CACNA2D4: variants seen among roughly 807,000 people sequenced by gnomAD.
CACNA2D4 encodes the protein voltage-dependent calcium channel subunit alpha-2/delta-4.
CACNA2D4 carries 157 observed loss-of-function variants against 163.8 expected under a neutral mutation model. That is an observed-to-expected ratio of 0.96 (90% CI 0.84 to 1.09). The LOEUF (loss-of-function observed/expected upper bound fraction) is 1.09. Ranked by LOEUF, CACNA2D4 falls within the 50% of genes least tolerant of loss-of-function variation. The probability of loss-of-function intolerance (pLI) is 0.00; values close to 1 mark genes in which losing one functional copy is unlikely to be tolerated. For missense variants in CACNA2D4, 1,410 were observed against 1,479.9 expected (o/e 0.95, Z 0.78); for synonymous variants, 598 against 586.9 (o/e 1.02, Z -0.27).
intron 4 of CACNA2D4, among the ~76,000 whole-genome samples, chr12:1,908,958 T>C (rs8181681): frequency 0.92 from 134,581 of 147,038 alleles, 61,774 homozygotes; most frequent in East Asian, 1. Context: ...CACGACACTG[T>C]GGCCCGCGCT....
rs372204029 is a variant in CACNA2D4, at chr12:1,834,688, C to T, written c.2551+6051G>A. 25 of 1,601,682 alleles carry T rather than the reference C, an allele frequency of 1.6e-5. No homozygotes were observed. Among genetic ancestry groups the T allele is most frequent in the Non-Finnish European group, 1.9e-5 (22 of 1,179,174 alleles). Reference sequence around the variant, plus strand: ...TGATGGGGGACCCCGAGGGCGAGCACGAGGACCAGAAGCAGATCTCTTCTG... The same window carrying T: ...TGATGGGGGACCCCGAGGGCGAGCATGAGGACCAGAAGCAGATCTCTTCTG... On this transcript the variant is annotated intron_variant, in intron 26 of 37. Coordinates refer to ENST00000382722, the MANE Select transcript of CACNA2D4 (RefSeq NM_172364.5). The surrounding 1 kb of genome is among the most constrained non-coding windows in gnomAD (Gnocchi z 7.6).
intron 1 of CACNA2D4, 109 bp downstream of exon 1, chr12:1,918,138 A>G: frequency 1.3e-6 from 1 of 793,568 alleles, no homozygotes; most frequent in Non-Finnish European, 2.1e-6. Context: ...GGAAAAGCCC[A>G]GAGGGAGGGC....
rs1370440856 is a variant in CACNA2D4 at position 1,801,189 on chromosome 12, T to C, written c.2793-71A>G. On this transcript the variant is annotated intron_variant, in intron 30 of 37. Transcript: ENST00000382722. ...CCCCTGCCCCTGCCTCAGGAGGCTT[T>C]ACTAGCAGAGCATCCGTTTACCGCA... 23 of 1,296,810 alleles carry C rather than the reference T, an allele frequency of 1.8e-5. No homozygotes were observed. The East Asian group carries it at 5.3e-4, about 30-fold the overall frequency. The allele number at this position is 1,296,810 out of a possible 1,614,324, so 80.3% of individuals were successfully genotyped here. A position where few individuals can be genotyped will look rare whatever the true frequency, so the allele number is the denominator to read the frequency against.
At chr12:1,801,477 T>G (rs533147856) in intron 30 of CACNA2D4, 97 bp downstream of exon 30, 7 of 1,042,364 alleles carry the variant, frequency 6.7e-6, no homozygotes, top group Middle Eastern at 2.4e-4. Flanking sequence ...CACTGTGGGT[T>G]TTGGAGGTCA....
chr12:1,804,739 T>A (rs1289226600), intron 29 of CACNA2D4, among the ~76,000 whole-genome samples: 1 of 152,218 alleles, frequency 6.6e-6, no homozygotes, highest in Non-Finnish European at 1.5e-5. Flanking sequence ...TCCTGCCTCT[T>A]CCCCATCCTC....
intron 18 of CACNA2D4, among the ~76,000 whole-genome samples, chr12:1,861,753 T>C (rs1865529651): frequency 6.6e-6 from 1 of 152,156 alleles, no homozygotes; most frequent in African/African-American, 2.4e-5. Context: ...TATCTTTTTT[T>C]TTAATTGAAG....
chr12:1,894,664 A>G (rs1166644054), intron 6 of CACNA2D4, among the ~76,000 whole-genome samples: 2 of 152,230 alleles, frequency 1.3e-5, no homozygotes, highest in South Asian at 4.1e-4. Flanking sequence ...ATGAAGAAAA[A>G]GCACTTAATA....
intron 23 of CACNA2D4, among the ~76,000 whole-genome samples, chr12:1,853,036 A>G (rs911969129): frequency 2.0e-5 from 3 of 152,094 alleles, no homozygotes; most frequent in Non-Finnish European, 2.9e-5. Flanking sequence ...CTAATTTTGT[A>G]TAGGTCATAT....
In CACNA2D4 at chr12:1,795,719, AG is replaced by A. The variant is rs1304263711; in HGVS notation, c.3174del (p.Cys1059ValfsTer108). On this transcript the variant is annotated frameshift_variant, in exon 36 of 38. Transcript: ENST00000382722. LOFTEE classifies it high-confidence loss of function. ...ACTGGTGGGAAGATGCTGCAGTCACAGGTGGGGTCTGTCACCAGGAGGAGGA... is the reference window on the plus strand; with the variant it reads ...ACTGGTGGGAAGATGCTGCAGTCACAGTGGGGTCTGTCACCAGGAGGAGGA... ...SNLLLLVTDP[T>X]CDCSIFPPVL... is the part of the protein sequence containing the mutation. The A allele has an allele frequency of 1.9e-6, 3 of 1,613,542 alleles. No individual in the cohort carries two copies. The highest frequency in any genetic ancestry group is 3.3e-5 in the Admixed American group (2 of 60,004).
chr12:1,853,929 G>A (rs1283134798), intron 23 of CACNA2D4, 22 bp downstream of exon 23: 3 of 1,595,316 alleles, frequency 1.9e-6, no homozygotes, highest in African/African-American at 2.7e-5. Context: ...TGGGGCCTGG[G>A]AACCTGGGAA....
rs772241601 is a variant in CACNA2D4, at chr12:1,875,225, C to T, written c.1806+26G>A. Reference sequence around the variant, plus strand: ...GTTGGATGTAGAGCCTAACTAGCTTCCCTTCCCCCTATTTTCCCCACTCAC... The same window carrying T: ...GTTGGATGTAGAGCCTAACTAGCTTTCCTTCCCCCTATTTTCCCCACTCAC... On this transcript the variant is annotated intron_variant, in intron 17 of 37. Transcript: ENST00000382722. The surrounding 1 kb of genome is among the most constrained non-coding windows in gnomAD (Gnocchi z 4.0). The T allele has an allele frequency of 3.9e-6, 6 of 1,537,900 alleles. No individual in the cohort carries two copies. Among genetic ancestry groups the T allele is most frequent in the Non-Finnish European group, 5.4e-6 (6 of 1,110,792 alleles).
In CACNA2D4 at chr12:1,878,850, A is replaced by AC; in HGVS notation, c.1644+105dup. On this transcript the variant is annotated intron_variant, in intron 15 of 37. Coordinates refer to ENST00000382722, the MANE Select transcript of CACNA2D4 (RefSeq NM_172364.5). The surrounding 1 kb of genome is among the most constrained non-coding windows in gnomAD (Gnocchi z 4.6). ...TCTTGGGCAGTGATGGAGGGGCCCC[A>AC]CCCCAGCTCTGGGCTTGGCTTGCCT... 9.2e-7 allele frequency: 1 copy of AC among 1,092,658 alleles called. No homozygotes were observed. Among genetic ancestry groups the AC allele is most frequent in the Non-Finnish European group, 1.3e-6 (1 of 756,502 alleles). The allele number at this position is 1,092,658 out of a possible 1,614,324, so 67.7% of individuals were successfully genotyped here.
rs1864531648 is a variant in CACNA2D4 at position 1,829,713 on chromosome 12, G to GCCAGGTC, written c.2551+11019_2551+11025dup. On this transcript the variant is annotated intron_variant, in intron 26 of 37. Coordinates refer to ENST00000382722, the MANE Select transcript of CACNA2D4 (RefSeq NM_172364.5). The surrounding 1 kb of genome is among the most constrained non-coding windows in gnomAD (Gnocchi z 4.2). Reference sequence around the variant, plus strand: ...CATCGGCCCACCCCGACCTGGGACAGCCAGGTCCCAGGTCCCATGTCAGGG... The same window carrying GCCAGGTC: ...CATCGGCCCACCCCGACCTGGGACAGCCAGGTCCCAGGTCCCAGGTCCCATGTCAGGG... Among the ~76,000 whole-genome samples the GCCAGGTC allele has an allele frequency of 6.8e-6, 1 of 147,354 alleles. No homozygotes were observed. Among genetic ancestry groups the GCCAGGTC allele is most frequent in the Non-Finnish European group, 1.5e-5 (1 of 66,810 alleles).
intron 26 of CACNA2D4, among the ~76,000 whole-genome samples, chr12:1,838,870 G>T (rs1049647410): frequency 1.3e-5 from 2 of 152,186 alleles, no homozygotes; most frequent in African/African-American, 4.8e-5. Context: ...CGGAGTCAAA[G>T]TTTGGCCTGG....
At chr12:1,912,923 G>A (rs1295675029) in intron 3 of CACNA2D4, 100 bp downstream of exon 3, 1 of 712,552 alleles carries the variant, frequency 1.4e-6, no homozygotes, top group Non-Finnish European at 2.5e-6. Context: ...AGAGGGTCAC[G>A]AGGGGGGAGG....
Position 1,834,752 on chromosome 12 carries a change from G to T in CACNA2D4, c.2551+5987C>A. The T allele has an allele frequency of 6.4e-7, 1 of 1,555,668 alleles. No homozygotes were observed. ...CATCCCCACCCGGCCAGGTAGGAAG[G>T]GCGGGGAGAGCACACGGCATTGCTC... On this transcript the variant is annotated intron_variant, in intron 26 of 37. Coordinates refer to ENST00000382722, the MANE Select transcript of CACNA2D4 (RefSeq NM_172364.5). This position sits in a 1 kb window ranked among gnomAD's most constrained non-coding sequence, Gnocchi z 7.6.
chr12:1,795,594 C>A, intron 36 of CACNA2D4, 74 bp downstream of exon 36: 1 of 1,135,266 alleles, frequency 8.8e-7, no homozygotes, highest in Non-Finnish European at 1.3e-6. Context: ...CCCCGCTGCT[C>A]AAAATCTGAG....
At chr12:1,795,819 G>A (rs375859798) in intron 35 of CACNA2D4, 39 bp from the exon 36 acceptor site, 4 of 1,315,788 alleles carry the variant, frequency 3.0e-6, no homozygotes, top group Non-Finnish European at 4.4e-6. Context: ...GCTCCGTGGC[G>A]ACCACGAGAA....
In CACNA2D4 at chr12:1,859,274, G is replaced by A. The variant is rs75991483; in HGVS notation, c.1941-630C>T. Among the ~76,000 whole-genome samples, 514 of 152,050 alleles carry A rather than the reference G, an allele frequency of 3.4e-3. 2 individuals carry two copies. The highest frequency in any genetic ancestry group is 0.022 in the East Asian group (111 of 5,154). ...CTCGGGAGGCTGAGGTGGGAGGATC[G>A]CTTGAGCCCGGGAGGTGGAGGCTGT... On this transcript the variant is annotated intron_variant, in intron 19 of 37. Transcript: ENST00000382722.
Sources: gnomAD v4.1 joint callset for allele counts (sites outside exome capture counted in the v4.1 genomes callset) on GRCh38, gnomAD v4.1.1 for gene constraint, Gnocchi (gnomAD v3.1) non-coding constraint, MANE v1.5 for transcripts, NCBI Gene and HGNC (gene_info 2026-07-23, HGNC 2026-07-21) for gene names.